The following SIPA1L3 variants were observed in gnomAD, a reference collection of about 807,000 sequenced individuals.
The protein encoded by SIPA1L3 is signal-induced proliferation-associated 1-like protein 3.
In SIPA1L3, 59 loss-of-function variants were observed where a neutral mutation model predicts 150.1. That is an observed-to-expected ratio of 0.39 (90% CI 0.32 to 0.49). The LOEUF (loss-of-function observed/expected upper bound fraction) is 0.49. Ranked by LOEUF, SIPA1L3 falls within the 20% of genes least tolerant of loss-of-function variation. The probability of loss-of-function intolerance (pLI) is 0.86; values close to 1 mark genes in which losing one functional copy is unlikely to be tolerated. For missense variants in SIPA1L3, 2,211 were observed against 2,489.5 expected, an observed-to-expected ratio of 0.89 and a Z score of 2.38; for synonymous variants, 1,070 against 1,077.6, an observed-to-expected ratio of 0.99 and a Z score of 0.14.
chr19:38,011,193 G>C (rs897309805), intron 1 of SIPA1L3, among the ~76,000 whole-genome samples: 1 of 152,098 alleles, frequency 6.6e-6, no homozygotes, highest in African/African-American at 2.4e-5. Flanking sequence ...GCAATCAGTG[G>C]GTCGGGCCTA....
intron 2 of SIPA1L3, among the ~76,000 whole-genome samples, chr19:38,072,250 T>C (rs1969739163): frequency 6.6e-6 from 1 of 152,174 alleles, no homozygotes; most frequent in Admixed American, 6.5e-5. Context: ...ACCCACCTCA[T>C]GGGGTTGTTG....
chr19:38,138,316 A>G (rs1416729641), intron 10 of SIPA1L3, among the ~76,000 whole-genome samples: 1 of 152,046 alleles, frequency 6.6e-6, no homozygotes, highest in African/African-American at 2.4e-5. Context: ...TTCACCTTGG[A>G]TGGGTTATTT....
chr19:38,039,740 TC>T (rs11306664), intron 2 of SIPA1L3, among the ~76,000 whole-genome samples: 127,907 of 147,874 alleles, frequency 0.86, 55,349 homozygotes, highest in East Asian at 0.92. Context: ...CCTGAAACAT[TC>T]AGGGATTTGA....
intron 9 of SIPA1L3, among the ~76,000 whole-genome samples, chr19:38,125,015 TG>T (rs1464709098): frequency 4.7e-5 from 7 of 147,436 alleles, no homozygotes; most frequent in Non-Finnish European, 7.5e-5. Flanking sequence ...AGGGAGACCG[TG>T]GGGAGAGGGA....
chr19:38,163,641 G>A (rs1443080968), intron 14 of SIPA1L3, among the ~76,000 whole-genome samples: 2 of 152,264 alleles, frequency 1.3e-5, no homozygotes, highest in African/African-American at 4.8e-5. Context: ...ATCTCTCAGG[G>A]AAGAGTATTG....
At position 38,036,086 on chromosome 19, in the gene SIPA1L3, C is replaced by G. The variant is rs151325556; in HGVS notation, c.-311+6930C>G. On this transcript the variant is annotated intron_variant, in intron 2 of 21. Coordinates refer to ENST00000222345, the MANE Select transcript of SIPA1L3 (RefSeq NM_015073.3). ...GGCTCCTGGCCTCCTGGTCCCCTTT[C>G]TTGTTCATTCCTGAGACTTTTCAGC... Among the ~76,000 whole-genome samples the G allele has an allele frequency of 3.6e-4, 55 of 152,314 alleles. No homozygotes were observed. The East Asian group carries it at 8.9e-3, about 25-fold the overall frequency.
intron 1 of SIPA1L3, among the ~76,000 whole-genome samples, chr19:38,015,797 A>G (rs534937197): frequency 1.0e-4 from 15 of 149,356 alleles, no homozygotes; most frequent in Non-Finnish European, 1.8e-4. Context: ...TTCATGTTTC[A>G]TTGCCTTCTT....
intron 1 of SIPA1L3, among the ~76,000 whole-genome samples, chr19:37,965,893 C>T (rs1167402563): frequency 6.6e-6 from 1 of 152,164 alleles, no homozygotes; most frequent in Non-Finnish European, 1.5e-5. Flanking sequence ...GCATTGCCAC[C>T]TCCTGCCCAC....
chr19:37,917,838 C>T (rs984866280), intron 1 of SIPA1L3, among the ~76,000 whole-genome samples: 1 of 152,078 alleles, frequency 6.6e-6, no homozygotes, highest in Admixed American at 6.6e-5. Flanking sequence ...GACTCCACCT[C>T]TACAAAAATT....
intron 1 of SIPA1L3, among the ~76,000 whole-genome samples, chr19:37,995,941 G>C (rs993602312): frequency 3.9e-5 from 6 of 152,174 alleles, no homozygotes; most frequent in African/African-American, 1.4e-4. Flanking sequence ...TCCGAGACAG[G>C]GTCTAGGTCT....
Position 37,955,085 on chromosome 19 carries a change from T to C in SIPA1L3, c.-379+47727T>C, listed in dbSNP as rs112522120. Among the ~76,000 whole-genome samples the C allele has an allele frequency of 7.0e-3, 650 of 92,682 alleles. 1 individual carries two copies. The highest frequency in any genetic ancestry group is 9.3e-3 in the Admixed American group (70 of 7,524). 60.8% of individuals were successfully genotyped at this position (92,682 alleles called of 152,430 possible). On this transcript the variant is annotated intron_variant, in intron 1 of 21. Coordinates refer to ENST00000222345, the MANE Select transcript of SIPA1L3 (RefSeq NM_015073.3). ...CTGGGTGACAGAGTGAGATGCTGTC[T>C]CTCAAAAAAAAAAAAAAAAAAAAAG...
chr19:37,910,664 G>A (rs534863888), intron 1 of SIPA1L3, among the ~76,000 whole-genome samples: 6 of 152,294 alleles, frequency 3.9e-5, no homozygotes, highest in Non-Finnish European at 7.3e-5. Context: ...GAGTGCAGTG[G>A]CACGATCTCA....
intron 4 of SIPA1L3, among the ~76,000 whole-genome samples, chr19:38,089,338 A>AG (rs1568544259): frequency 6.6e-6 from 1 of 151,830 alleles, no homozygotes; most frequent in Non-Finnish European, 1.5e-5. Context: ...CAAAAAAAAA[A>AG]AAAAAAAAAG....
At chr19:37,950,187 G>A (rs572341431) in intron 1 of SIPA1L3, among the ~76,000 whole-genome samples, 1 of 152,054 alleles carries the variant, frequency 6.6e-6, no homozygotes, top group East Asian at 1.9e-4. Context: ...TGGGGCTGCA[G>A]TTTTCTCACC....
At chr19:37,940,298 CA>C (rs112289247) in intron 1 of SIPA1L3, among the ~76,000 whole-genome samples, 35 of 134,938 alleles carry the variant, frequency 2.6e-4, no homozygotes, top group South Asian at 4.7e-4. Context: ...AACAAACAAA[CA>C]AAAAAAAAAA....
At chr19:37,942,769 G>T (rs2046671623) in intron 1 of SIPA1L3, among the ~76,000 whole-genome samples, 1 of 152,138 alleles carries the variant, frequency 6.6e-6, no homozygotes, top group African/African-American at 2.4e-5. Context: ...TTAGGGATTG[G>T]TCATGCTGGG....
chr19:38,023,477 T>C (rs1013341997), intron 1 of SIPA1L3, among the ~76,000 whole-genome samples: 12 of 152,244 alleles, frequency 7.9e-5, no homozygotes, highest in African/African-American at 2.9e-4. Context: ...AGTCCTTTCC[T>C]CACTTATCAG....
intron 2 of SIPA1L3, among the ~76,000 whole-genome samples, chr19:38,044,803 A>G (rs1969015816): frequency 6.6e-6 from 1 of 152,128 alleles, no homozygotes; most frequent in South Asian, 2.1e-4. Flanking sequence ...TCCCCAGATG[A>G]TGATGGGGAA....
intron 1 of SIPA1L3, among the ~76,000 whole-genome samples, chr19:37,941,703 T>TTATA (rs1262948990): frequency 3.3e-5 from 5 of 152,204 alleles, no homozygotes; most frequent in African/African-American, 1.2e-4. Flanking sequence ...CTCTTTCCCC[T>TTATA]GTCGTGCATT....
Sources: allele counts gnomAD v4.1 joint callset (sites outside exome capture counted in the v4.1 genomes callset), GRCh38; gene constraint gnomAD v4.1.1; transcripts MANE v1.5; gene names NCBI Gene and HGNC (gene_info 2026-07-23, HGNC 2026-07-21).